Variants in CLIP4 observed in about 807,000 individuals in gnomAD.
CLIP4 encodes CAP-Gly domain-containing linker protein 4.
Under a neutral mutation model 73.1 loss-of-function variants are expected in CLIP4, and 47 were observed. The ratio of observed to expected loss-of-function variants is 0.64; its 90% CI spans 0.51 to 0.82. The LOEUF (loss-of-function observed/expected upper bound fraction) is 0.82. CLIP4 is among the 40% of genes least tolerant of loss of function. CLIP4 has a pLI of 0.00. For synonymous variants in CLIP4, 306 were observed against 295.4 expected (o/e 1.04, Z -0.37); for missense variants, 874 against 852.9 (o/e 1.02, Z -0.31).
At chr2:29,143,406 T>TC (rs1665917652) in intron 6 of CLIP4, among the ~76,000 whole-genome samples, 1 of 36,184 alleles carries the variant, frequency 2.8e-5, no homozygotes, top group South Asian at 1.4e-3. Flanking sequence ...CCCTGTTTTT[T>TC]TTTTTTCCCT....
At chr2:29,167,689 C>G (rs1667716779) in intron 14 of CLIP4, 149 bp downstream of exon 14, 3 of 511,208 alleles carry the variant, frequency 5.9e-6, no homozygotes, top group Non-Finnish European at 9.9e-6. Flanking sequence ...TGTTACCTGT[C>G]CCCTGGCTGA....
At chr2:29,152,118 T>C (rs1305668619) in intron 8 of CLIP4, among the ~76,000 whole-genome samples, 1 of 152,170 alleles carries the variant, frequency 6.6e-6, no homozygotes, top group African/African-American at 2.4e-5. Flanking sequence ...TTAAGTAACA[T>C]TTAAATTTTG....
At chr2:29,149,751 G>A (rs978839519) in intron 8 of CLIP4, among the ~76,000 whole-genome samples, 9 of 150,370 alleles carry the variant, frequency 6.0e-5, no homozygotes, top group Non-Finnish European at 1.2e-4. Flanking sequence ...AAAGAAGAAT[G>A]CAAACTATAT....
chr2:29,157,490 G>A (rs896723481), intron 11 of CLIP4, 143 bp downstream of exon 11: 68 of 1,310,064 alleles, frequency 5.2e-5, no homozygotes, highest in Admixed American at 4.6e-4. Context: ...CACCTCCCCC[G>A]AACCTTAAGC....
Position 29,182,130 on chromosome 2 carries a change from A to G in CLIP4, c.*237A>G, listed in dbSNP as rs1055129450. On this transcript the variant is annotated 3_prime_UTR_variant, in exon 16 of 16. Transcript: ENST00000320081. ...GTACCAATTAAAGCTTTAGGTTCCA[A>G]GAAGATTCTGGGACTCAGGAAGAAA... 1.3e-5 allele frequency: 4 copies of G among 319,184 alleles called. No individual in the cohort carries two copies. Among genetic ancestry groups the G allele is most frequent in the African/African-American group, 2.1e-5 (1 of 46,518 alleles). 19.8% of individuals were successfully genotyped at this position (319,184 alleles called of 1,614,324 possible). A position where few individuals can be genotyped will look rare whatever the true frequency, so the allele number is the denominator to read the frequency against.
At position 29,115,557 on chromosome 2, in the gene CLIP4, C is replaced by T. The variant is rs1288267412; in HGVS notation, c.-124C>T. 1 of 147,788 alleles carries T rather than the reference C, an allele frequency of 6.8e-6. No individual in the cohort carries two copies. Among genetic ancestry groups the T allele is most frequent in the Non-Finnish European group, 1.5e-5 (1 of 66,282 alleles). 9.2% of individuals were successfully genotyped at this position (147,788 alleles called of 1,614,324 possible). A position where few individuals can be genotyped will look rare whatever the true frequency, so the allele number is the denominator to read the frequency against. On this transcript the variant is annotated 5_prime_UTR_variant, in exon 1 of 16. Coordinates refer to ENST00000320081, the MANE Select transcript of CLIP4 (RefSeq NM_024692.6). The surrounding 1 kb of genome is among the most constrained non-coding windows in gnomAD (Gnocchi z 5.1). ...AGGTGTGGAGCGGCGCGGCGGGAGG[C>T]TCCGTGGGCGGCCACGGGAGACAGC...
At chr2:29,118,832 A>C (rs574432391) in intron 1 of CLIP4, among the ~76,000 whole-genome samples, 2 of 152,084 alleles carry the variant, frequency 1.3e-5, no homozygotes, top group South Asian at 4.1e-4. Context: ...GCCAATATAT[A>C]TATATATATT....
chr2:29,136,234 A>G (rs1665348367), intron 6 of CLIP4, among the ~76,000 whole-genome samples: 1 of 151,408 alleles, frequency 6.6e-6, no homozygotes, highest in Admixed American at 6.6e-5. Context: ...CTTTATATTA[A>G]TAACAATAAC....
chr2:29,164,060 G>A (rs1667454800), intron 13 of CLIP4, 106 bp downstream of exon 13: 2 of 994,628 alleles, frequency 2.0e-6, no homozygotes, highest in Non-Finnish European at 2.9e-6. Context: ...TGTAGCTCAT[G>A]TCTTCTTTCA....
chr2:29,101,972 G>T (rs947426086), intron 1 of CLIP4, among the ~76,000 whole-genome samples: 2 of 152,182 alleles, frequency 1.3e-5, no homozygotes, highest in African/African-American at 4.8e-5. Flanking sequence ...GTGCACATAG[G>T]AGGAAAGCAA....
rs1407025525 is a variant in CLIP4 at position 29,143,965 on chromosome 2, T to C, written c.885+20T>C. 2.5e-6 allele frequency: 4 copies of C among 1,595,632 alleles called. No individual in the cohort carries two copies. In the South Asian group the frequency reaches 4.4e-5, roughly 18 times the overall value. On this transcript the variant is annotated intron_variant, in intron 7 of 15. Coordinates refer to ENST00000320081, the MANE Select transcript of CLIP4 (RefSeq NM_024692.6). ...CAGAAGGTACAGTAAGTAACTGCAATCTCTGAAGCCAGGGTTGTTATGTCC... is the reference window on the plus strand; with the variant it reads ...CAGAAGGTACAGTAAGTAACTGCAACCTCTGAAGCCAGGGTTGTTATGTCC...
intron 8 of CLIP4, among the ~76,000 whole-genome samples, chr2:29,150,739 T>C (rs1666506781): frequency 7.2e-6 from 1 of 139,822 alleles, no homozygotes; most frequent in South Asian, 2.5e-4. Flanking sequence ...TTCTCCTGCC[T>C]CAGCCTCCTG....
At chr2:29,171,370 G>T (rs915584585) in intron 14 of CLIP4, among the ~76,000 whole-genome samples, 1 of 152,110 alleles carries the variant, frequency 6.6e-6, no homozygotes, top group South Asian at 2.1e-4. Flanking sequence ...AAGTGGTGTT[G>T]CTTTCATAAT....
At chr2:29,141,419 G>T (rs377206860) in intron 6 of CLIP4, among the ~76,000 whole-genome samples, 1 of 152,092 alleles carries the variant, frequency 6.6e-6, no homozygotes, top group Non-Finnish European at 1.5e-5. Context: ...TTTCAGTGGG[G>T]TGTTGAAGTC....
intron 15 of CLIP4, among the ~76,000 whole-genome samples, chr2:29,177,080 CT>C (rs1360346025): frequency 2.0e-5 from 3 of 152,024 alleles, no homozygotes; most frequent in African/African-American, 4.8e-5. Flanking sequence ...GATTGCAGTT[CT>C]CTAAACTGTA....
chr2:29,164,555 G>T (rs566281183), intron 13 of CLIP4, among the ~76,000 whole-genome samples: 1 of 152,224 alleles, frequency 6.6e-6, no homozygotes, highest in African/African-American at 2.4e-5. Flanking sequence ...AAAATTCCAG[G>T]TATCATTATG....
Position 29,135,671 on chromosome 2 carries a change from GAGGTT to G in CLIP4, c.648+7_648+11del. 6.4e-7 allele frequency: 1 copy of G among 1,571,224 alleles called. No homozygotes were observed. The highest frequency in any genetic ancestry group is 1.2e-5 in the South Asian group (1 of 85,116). On this transcript the variant is annotated splice_donor_region_variant and intron_variant, in intron 6 of 15. Transcript: ENST00000320081. ...GGAGCAAATCCTGCATTTAGGGTAAGAGGTTAAATTAAAAGTGAAAAATATTAAAA... is the reference window on the plus strand; with the variant it reads ...GGAGCAAATCCTGCATTTAGGGTAAGAAATTAAAAGTGAAAAATATTAAAA...
At chr2:29,134,117 T>G (rs1665178937) in intron 5 of CLIP4, among the ~76,000 whole-genome samples, 1 of 152,210 alleles carries the variant, frequency 6.6e-6, no homozygotes, top group African/African-American at 2.4e-5. Context: ...GGTTTATGAT[T>G]CTTTTGCCTT....
rs1386030505 is a variant in CLIP4, at chr2:29,181,582, G to A, written c.1807G>A (p.Ala603Thr). The change falls in exon 16 of 16, where the codon GCT (alanine) becomes ACT (threonine). Residue 603 changes from alanine (A) to threonine (T), a missense_variant. Coordinates refer to ENST00000320081, the MANE Select transcript of CLIP4 (RefSeq NM_024692.6). ...RRNAFSKSKA[A>T]LRRSWSSTPT... is the part of the protein sequence containing the mutation. ...TTCCCTTCCGCACAGATCGAAAGCT[G>A]CTTTGCGTCGCAGTTGGAGCAGCAC... The A allele has an allele frequency of 6.2e-7, 1 of 1,606,246 alleles. No individual in the cohort carries two copies. The highest frequency in any genetic ancestry group is 8.5e-7 in the Non-Finnish European group (1 of 1,174,678).
Sources: gnomAD v4.1 joint callset for allele counts (sites outside exome capture counted in the v4.1 genomes callset) on GRCh38, gnomAD v4.1.1 for gene constraint, Gnocchi (gnomAD v3.1) non-coding constraint, MANE v1.5 for transcripts, NCBI Gene and HGNC (gene_info 2026-07-23, HGNC 2026-07-21) for gene names.